NPAS3: variants seen among roughly 807,000 people sequenced by gnomAD.
NPAS3 encodes the protein neuronal PAS domain protein 3.
A neutral mutation model predicts 73.1 loss-of-function variants in NPAS3; 14 were observed. The ratio of observed to expected loss-of-function variants is 0.19; its 90% CI spans 0.13 to 0.30. NPAS3 has a LOEUF of 0.30. Among genes scored for constraint, NPAS3 ranks in the 10% least tolerant of loss-of-function variants. The probability of loss-of-function intolerance (pLI) is 1.00; values close to 1 mark genes in which losing one functional copy is unlikely to be tolerated. For missense variants in NPAS3, 1,096 were observed against 1,250.0 expected (o/e 0.88, Z 1.86); for synonymous variants, 620 against 541.5 (o/e 1.14, Z -2.01).
chr14:33,322,044 G>C (rs548809928), intron 3 of NPAS3, among the ~76,000 whole-genome samples: 3 of 152,280 alleles, frequency 2.0e-5, no homozygotes, highest in Admixed American at 6.5e-5. Flanking sequence ...AGATGGGTTT[G>C]CTTTGCAGAG....
At chr14:33,759,683 C>T (rs1392393259) in intron 7 of NPAS3, among the ~76,000 whole-genome samples, 1 of 152,118 alleles carries the variant, frequency 6.6e-6, no homozygotes, top group Non-Finnish European at 1.5e-5. Context: ...AGCTTGCAGG[C>T]TGCGTAGTCT....
intron 5 of NPAS3, among the ~76,000 whole-genome samples, chr14:33,563,537 C>CAGAGAGAG (rs1286632432): frequency 3.8e-4 from 45 of 119,618 alleles, no homozygotes; most frequent in African/African-American, 8.6e-4. Flanking sequence ...CACACACACA[C>CAGAGAGAG]AGAGAGAGAG....
At chr14:33,237,612 G>A (rs1283890817) in intron 3 of NPAS3, among the ~76,000 whole-genome samples, 2 of 151,976 alleles carry the variant, frequency 1.3e-5, no homozygotes, top group African/African-American at 2.4e-5. Flanking sequence ...ATTGCTTTCG[G>A]CTTCAGAGAG....
At chr14:33,233,535 G>A (rs1358174750) in intron 3 of NPAS3, among the ~76,000 whole-genome samples, 1 of 151,996 alleles carries the variant, frequency 6.6e-6, no homozygotes, top group African/African-American at 2.4e-5. Flanking sequence ...TGACAAAAAG[G>A]ATAAAAAGAA....
At chr14:33,794,093 C>A (rs2138638072) in intron 10 of NPAS3, 49 bp downstream of exon 10, 1 of 1,524,480 alleles carries the variant, frequency 6.6e-7, no homozygotes, top group South Asian at 1.1e-5. Context: ...TAAAATATGC[C>A]ATATAAAATA....
intron 2 of NPAS3, among the ~76,000 whole-genome samples, chr14:33,145,981 G>A (rs1023324283): frequency 1.3e-5 from 2 of 151,216 alleles, no homozygotes; most frequent in African/African-American, 2.4e-5. Flanking sequence ...CTTGGCTACC[G>A]AGGGCTTTAC....
intron 1 of NPAS3, among the ~76,000 whole-genome samples, chr14:32,969,296 A>T (rs552796976): frequency 7.2e-5 from 11 of 152,096 alleles, no homozygotes; most frequent in African/African-American, 2.7e-4. Context: ...GTCAGACCAC[A>T]TTCTGTTGGA....
chr14:33,395,069 TAGG>T (rs1336611798), intron 4 of NPAS3, among the ~76,000 whole-genome samples: 1 of 152,148 alleles, frequency 6.6e-6, no homozygotes, highest in African/African-American at 2.4e-5. Context: ...AAGTATGTAA[TAGG>T]AGCACTGCAG....
chr14:33,772,331 T>A (rs2062681392), intron 7 of NPAS3, among the ~76,000 whole-genome samples: 1 of 152,060 alleles, frequency 6.6e-6, no homozygotes, highest in South Asian at 2.1e-4. Flanking sequence ...TTGACCCCCT[T>A]CAATAGACTC....
At chr14:32,959,008 A>G (rs1297327427) in intron 1 of NPAS3, among the ~76,000 whole-genome samples, 1 of 152,148 alleles carries the variant, frequency 6.6e-6, no homozygotes, top group Non-Finnish European at 1.5e-5. Flanking sequence ...AATAATAACG[A>G]TAGCTGATGA....
intron 4 of NPAS3, among the ~76,000 whole-genome samples, chr14:33,446,369 G>A (rs1419934088): frequency 2.0e-5 from 3 of 151,110 alleles, no homozygotes; most frequent in African/African-American, 4.9e-5. Flanking sequence ...TAGAGACGGG[G>A]TTTCACCTTG....
intron 2 of NPAS3, among the ~76,000 whole-genome samples, chr14:33,140,787 G>C (rs2044017644): frequency 6.6e-6 from 1 of 152,178 alleles, no homozygotes; most frequent in Non-Finnish European, 1.5e-5. Flanking sequence ...TATAGCAAAA[G>C]ATGAGAAGTG....
rs78910262 is a variant in NPAS3 at position 33,048,937 on chromosome 14, C to T, written c.51-6968C>T. 7.6e-3 allele frequency among the ~76,000 whole-genome samples: 1,159 copies of T among 152,250 alleles called. 13 individuals carry two copies. The highest frequency in any genetic ancestry group is 0.027 in the African/African-American group (1,111 of 41,536). On this transcript the variant is annotated intron_variant, in intron 1 of 11. Coordinates refer to ENST00000356141, the Ensembl canonical transcript of NPAS3. ...ACACGTATTTAGGAAGAGAAGCTTT[C>T]GATGGAGGGATTTCAGCTCCTTTCA...
chr14:33,314,658 T>G (rs74042027), intron 3 of NPAS3, among the ~76,000 whole-genome samples: 4,005 of 152,122 alleles, frequency 0.026, 165 homozygotes, highest in African/African-American at 0.09. Flanking sequence ...TAAGTCTGCA[T>G]CAGGATATTA....
intron 1 of NPAS3, among the ~76,000 whole-genome samples, chr14:32,998,592 G>A (rs1220723706): frequency 6.6e-6 from 1 of 152,122 alleles, no homozygotes; most frequent in Non-Finnish European, 1.5e-5. Flanking sequence ...ACAGAATGAG[G>A]CTCCAGTTTC....
intron 3 of NPAS3, among the ~76,000 whole-genome samples, chr14:33,308,351 G>A (rs775807875): frequency 2.0e-5 from 3 of 151,808 alleles, no homozygotes; most frequent in Non-Finnish European, 4.4e-5. Flanking sequence ...ATATTGTCCA[G>A]ATGGCAGAAA....
At chr14:33,067,246 C>T (rs138392906) in intron 2 of NPAS3, among the ~76,000 whole-genome samples, 20 of 152,304 alleles carry the variant, frequency 1.3e-4, no homozygotes, top group African/African-American at 4.6e-4. Context: ...AAATCTATTT[C>T]TGCAAAAGAA....
chr14:33,236,711 G>A (rs972225028), intron 3 of NPAS3, among the ~76,000 whole-genome samples: 44 of 152,018 alleles, frequency 2.9e-4, no homozygotes, highest in African/African-American at 8.9e-4. Flanking sequence ...GTCTGGCTTC[G>A]ACATTTTAGT....
chr14:32,955,986 T>C (rs530987182), intron 1 of NPAS3, among the ~76,000 whole-genome samples: 133 of 152,224 alleles, frequency 8.7e-4, no homozygotes, highest in African/African-American at 3.0e-3. Flanking sequence ...CTACAGATAA[T>C]AGTTTTAGAT....
Sources: allele counts gnomAD v4.1 joint callset (sites outside exome capture counted in the v4.1 genomes callset), GRCh38; gene constraint gnomAD v4.1.1; transcripts MANE v1.5; gene names NCBI Gene and HGNC (gene_info 2026-07-23, HGNC 2026-07-21).